COL18A1: variants seen among roughly 807,000 people sequenced by gnomAD.
COL18A1 encodes the protein collagen alpha-1(XVIII) chain.
COL18A1 carries 133 observed loss-of-function variants against 168.0 expected under a neutral mutation model. The ratio of observed to expected loss-of-function variants is 0.79; its 90% CI spans 0.69 to 0.91. The LOEUF (loss-of-function observed/expected upper bound fraction) is 0.91, where lower values mean the gene tolerates loss of function less well. Ranked by LOEUF, COL18A1 falls within the 40% of genes least tolerant of loss-of-function variation. The pLI is 0.00. For synonymous variants in COL18A1, 949 were observed against 809.0 expected, an observed-to-expected ratio of 1.17 and a Z score of -2.94; for missense variants, 2,126 against 1,925.4, an observed-to-expected ratio of 1.10 and a Z score of -1.95.
At chr21:45,437,580 GTA>G (rs61724876) in intron 2 of COL18A1, among the ~76,000 whole-genome samples, 5 of 30,002 alleles carry the variant, frequency 1.7e-4, no homozygotes, top group Admixed American at 3.8e-4. Context: ...GCACTCTCCT[GTA>G]CACACACACA....
rs74439012 is a variant in COL18A1 at position 45,480,163 on chromosome 21, C to T, written c.1398+7C>T. 2.9e-5 allele frequency: 44 copies of T among 1,533,208 alleles called. No homozygotes were observed. The highest frequency in any genetic ancestry group is 2.7e-4 in the African/African-American group (20 of 73,172). 95.0% of individuals were successfully genotyped at this position (1,533,208 alleles called of 1,614,324 possible). A position where few individuals can be genotyped will look rare whatever the true frequency, so the allele number is the denominator to read the frequency against. On this transcript the variant is annotated splice_region_variant and intron_variant, in intron 11 of 41. Coordinates refer to ENST00000651438, the MANE Select transcript of COL18A1 (RefSeq NM_001379500.1). ...CTTCAGACACGACAAGCTGGTAAGT[C>T]CCGCCCTTGGCTTCCTGCGACCCGG...
At chr21:45,455,474 C>G in intron 2 of COL18A1, 1 of 1,604,052 alleles carries the variant, frequency 6.2e-7, no homozygotes, top group Non-Finnish European at 8.5e-7. Context: ...CCTGGCTAGC[C>G]CCACCTCCAG....
At position 45,498,539 on chromosome 21, in the gene COL18A1, G is replaced by T. The variant is rs2036627921; in HGVS notation, c.2683+878G>T. On this transcript the variant is annotated intron_variant, in intron 32 of 41. Transcript: ENST00000651438. This position sits in a 1 kb window ranked among gnomAD's most constrained non-coding sequence, Gnocchi z 4.5. ...AGAGGAGGCCGCCATACCTGCTCTTGCTGGGGCTGCACTCTGGGGTGGGAA... is the reference window on the plus strand; with the variant it reads ...AGAGGAGGCCGCCATACCTGCTCTTTCTGGGGCTGCACTCTGGGGTGGGAA... 1.4e-6 allele frequency: 1 copy of T among 716,858 alleles called. No homozygotes were observed. 44.4% of individuals were successfully genotyped at this position (716,858 alleles called of 1,614,324 possible).
At chr21:45,506,545 C>A in intron 37 of COL18A1, 1 of 200,202 alleles carries the variant, frequency 5.0e-6, no homozygotes. Flanking sequence ...AGTGGCCGCT[C>A]TGATCCAGGT....
intron 32 of COL18A1, chr21:45,503,083 C>T (rs572835660): frequency 6.6e-6 from 1 of 152,222 alleles, no homozygotes; most frequent in East Asian, 1.9e-4. Flanking sequence ...TGTGTATATA[C>T]CCAGTAATGG....
At chr21:45,447,935 G>A (rs971260577) in intron 2 of COL18A1, among the ~76,000 whole-genome samples, 31 of 152,136 alleles carry the variant, frequency 2.0e-4, no homozygotes, top group South Asian at 2.1e-4. Flanking sequence ...CAGAGGCAGC[G>A]TCTTCTGCCA....
intron 2 of COL18A1, among the ~76,000 whole-genome samples, chr21:45,445,375 G>T (rs1398156936): frequency 1.3e-5 from 2 of 152,236 alleles, no homozygotes; most frequent in African/African-American, 4.8e-5. Context: ...GGACTTCTGA[G>T]CGGTGTCCAC....
At chr21:45,441,039 C>G (rs1367856047) in intron 2 of COL18A1, among the ~76,000 whole-genome samples, 2 of 152,222 alleles carry the variant, frequency 1.3e-5, no homozygotes, top group East Asian at 1.9e-4. Flanking sequence ...CCCCGGGATG[C>G]AAACCCCGGG....
intron 2 of COL18A1, chr21:45,456,416 A>G: frequency 6.5e-7 from 1 of 1,544,704 alleles, no homozygotes; most frequent in Non-Finnish European, 8.8e-7. Flanking sequence ...CGCAGTCACC[A>G]CTTTAACCAG....
At chr21:45,453,338 AGCAT>A (rs2034694775) in intron 2 of COL18A1, among the ~76,000 whole-genome samples, 1 of 152,250 alleles carries the variant, frequency 6.6e-6, no homozygotes. Flanking sequence ...GGCATAGCTA[AGCAT>A]GCATGTGCAT....
In COL18A1 at chr21:45,492,707, C is replaced by T. The variant is rs1049266654; in HGVS notation, c.2208C>T (p.Gly736=). 3.1e-6 allele frequency: 5 copies of T among 1,608,524 alleles called. No individual in the cohort carries two copies. The highest frequency in any genetic ancestry group is 4.2e-6 in the Non-Finnish European group (5 of 1,178,450). ...CCCAGGGCCGGCCGGGTTTCGCAGGCTTTCCCGTGAGTAACCTGGTGCCAG... is the reference window on the plus strand; with the variant it reads ...CCCAGGGCCGGCCGGGTTTCGCAGGTTTTCCCGTGAGTAACCTGGTGCCAG... ...PGPEGRPGFA[G]FPGPAGPKGN... Residue 736 remains glycine, a synonymous_variant, in exon 24 of 42, where the codon GGC becomes GGT. Transcript: ENST00000651438.
chr21:45,434,198 G>C (rs575114231), intron 2 of COL18A1, among the ~76,000 whole-genome samples: 97 of 94,104 alleles, frequency 1.0e-3, no homozygotes, highest in Non-Finnish European at 1.6e-3. Context: ...TGGCTTCACC[G>C]GGGGGTGGTG....
At chr21:45,449,012 C>T (rs1035247286) in intron 2 of COL18A1, among the ~76,000 whole-genome samples, 1 of 152,224 alleles carries the variant, frequency 6.6e-6, no homozygotes, top group African/African-American at 2.4e-5. Flanking sequence ...TGTGTGTCCT[C>T]CCCGTGGCCT....
chr21:45,487,180 G>A (rs1415865501), intron 16 of COL18A1, among the ~76,000 whole-genome samples, 188 bp downstream of exon 16: 3 of 152,174 alleles, frequency 2.0e-5, no homozygotes, highest in Admixed American at 6.5e-5. Context: ...CGTGCCCCAC[G>A]GTGCTGATGG....
At chr21:45,485,063 A>G (rs763612922) in intron 15 of COL18A1, among the ~76,000 whole-genome samples, 5 of 151,212 alleles carry the variant, frequency 3.3e-5, no homozygotes, top group Non-Finnish European at 7.4e-5. Flanking sequence ...GCTCACTGCA[A>G]TCTCTGCCTC....
rs554103562 is a variant in COL18A1, at chr21:45,478,433, C to A, written c.1248+80C>A. The A allele has an allele frequency of 3.5e-5, 55 of 1,592,980 alleles. 1 individual carries two copies. In the South Asian group the frequency reaches 6.0e-4, roughly 17 times the overall value. Reference sequence around the variant, plus strand: ...CCAGGGCTTTGTTGCCAGTGACACTCTTTTTAAACGCGACCCAGTGAGGAG... The same window carrying A: ...CCAGGGCTTTGTTGCCAGTGACACTATTTTTAAACGCGACCCAGTGAGGAG... On this transcript the variant is annotated intron_variant, in intron 9 of 41. Transcript: ENST00000651438.
intron 13 of COL18A1, 107 bp downstream of exon 13, chr21:45,480,965 G>A (rs1048440079): frequency 4.9e-5 from 71 of 1,452,568 alleles, no homozygotes; most frequent in Middle Eastern, 2.3e-4. Flanking sequence ...CCCAGTCCCC[G>A]CCTCCTCACC....
At chr21:45,431,767 C>A (rs1312241271) in intron 2 of COL18A1, among the ~76,000 whole-genome samples, 1 of 152,076 alleles carries the variant, frequency 6.6e-6, no homozygotes, top group Non-Finnish European at 1.5e-5. Flanking sequence ...TGGGCACAGG[C>A]AGGGCAGGCC....
chr21:45,460,707 G>T (rs1490203947), intron 2 of COL18A1, among the ~76,000 whole-genome samples: 1 of 151,788 alleles, frequency 6.6e-6, no homozygotes, highest in Non-Finnish European at 1.5e-5. Context: ...GGTTTAAGAA[G>T]GGAGAAGACC....
Sources: allele counts gnomAD v4.1 joint callset (sites outside exome capture counted in the v4.1 genomes callset), GRCh38; gene constraint gnomAD v4.1.1; non-coding constraint Gnocchi (gnomAD v3.1); transcripts MANE v1.5; gene names NCBI Gene and HGNC (gene_info 2026-07-23, HGNC 2026-07-21).